The following AAK1 variants were observed in gnomAD, a reference collection of about 807,000 sequenced individuals.
AAK1 encodes the protein AP2 associated kinase 1, also known as AP2-associated protein kinase 1.
Under a neutral mutation model 116.0 loss-of-function variants are expected in AAK1, and 37 were observed. The observed-to-expected ratio is 0.32, with a 90% CI of 0.25 to 0.42. The LOEUF is 0.42. Ranked by LOEUF, AAK1 falls within the 10% of genes least tolerant of loss-of-function variation. The probability of loss-of-function intolerance (pLI) is 1.00; values close to 1 mark genes in which losing one functional copy is unlikely to be tolerated. For missense variants in AAK1, 919 were observed against 1,170.6 expected, an observed-to-expected ratio of 0.79 and a Z score of 3.14; for synonymous variants, 458 against 439.9, an observed-to-expected ratio of 1.04 and a Z score of -0.51.
rs970582339 is a variant in AAK1 at position 69,469,488 on chromosome 2, C to T, written c.*6381G>A. 2.1e-5 allele frequency: 21 copies of T among 985,252 alleles called. No homozygotes were observed. In the African/African-American group the frequency reaches 3.1e-4, roughly 15 times the overall value. The allele number at this position is 985,252 out of a possible 1,614,324, so 61.0% of individuals were successfully genotyped here. On this transcript the variant is annotated 3_prime_UTR_variant, in exon 22 of 22. Transcript: ENST00000409085. ...AGGTAGCATTGTGTCAACAAGAAAA[C>T]GTGTTTGAAGCAGTCTCTTTACTAG... is the stretch of plus-strand genomic sequence containing the variant.
At chr2:69,634,751 C>T (rs1675373596) in intron 2 of AAK1, among the ~76,000 whole-genome samples, 1 of 152,238 alleles carries the variant, frequency 6.6e-6, no homozygotes, top group Non-Finnish European at 1.5e-5. Flanking sequence ...TGAGTCTTTT[C>T]TCTGTAACCT....
chr2:69,614,694 C>T (rs558587895), intron 2 of AAK1, among the ~76,000 whole-genome samples: 27 of 152,258 alleles, frequency 1.8e-4, no homozygotes, highest in African/African-American at 6.3e-4. Flanking sequence ...GAAAAAGAGT[C>T]TTTGTAGGTG....
At chr2:69,531,601 C>T (rs1670259791) in intron 6 of AAK1, 1 of 988,124 alleles carries the variant, frequency 1.0e-6, no homozygotes, top group African/African-American at 1.7e-5. Flanking sequence ...ACCTACTCAC[C>T]ATTATTTCCA....
chr2:69,548,482 CT>C, intron 3 of AAK1, among the ~76,000 whole-genome samples: 1 of 150,830 alleles, frequency 6.6e-6, no homozygotes, highest in African/African-American at 2.4e-5. Flanking sequence ...TTTTTCCTTT[CT>C]TTTTCTTTCT....
intron 16 of AAK1, among the ~76,000 whole-genome samples, chr2:69,503,403 T>C (rs1425210797): frequency 6.6e-6 from 1 of 152,276 alleles, no homozygotes; most frequent in African/African-American, 2.4e-5. Context: ...AAAGCTCACA[T>C]TCATTGCTGA....
chr2:69,631,644 A>G (rs190336550), intron 2 of AAK1, among the ~76,000 whole-genome samples: 13 of 152,310 alleles, frequency 8.5e-5, no homozygotes, highest in Admixed American at 4.6e-4. Flanking sequence ...GTCTCCTCCA[A>G]AAGGAATCCT....
intron 5 of AAK1, among the ~76,000 whole-genome samples, chr2:69,538,797 G>A (rs1012973507): frequency 3.3e-5 from 5 of 152,132 alleles, no homozygotes; most frequent in South Asian, 4.1e-4. Context: ...CATGAGAATC[G>A]TTTGAACCCA....
chr2:69,480,049 C>G (rs912258447), intron 19 of AAK1, among the ~76,000 whole-genome samples: 80 of 152,182 alleles, frequency 5.3e-4, no homozygotes, highest in African/African-American at 1.9e-3. Context: ...GCCAAGGCAC[C>G]CAGCCTGAGT....
chr2:69,572,207 A>C (rs895859686), intron 2 of AAK1, among the ~76,000 whole-genome samples: 1 of 152,150 alleles, frequency 6.6e-6, no homozygotes, highest in African/African-American at 2.4e-5. Context: ...AAAGGGACAG[A>C]CTCAGAATTA....
At chr2:69,511,800 T>G (rs1645904358) in intron 13 of AAK1, among the ~76,000 whole-genome samples, 1 of 152,266 alleles carries the variant, frequency 6.6e-6, no homozygotes, top group East Asian at 1.9e-4. Context: ...TGGAGAACAT[T>G]TTTCTCTTCT....
chr2:69,589,064 T>C (rs754135378), intron 2 of AAK1, among the ~76,000 whole-genome samples: 4 of 152,206 alleles, frequency 2.6e-5, no homozygotes, highest in Non-Finnish European at 4.4e-5. Context: ...ACAAAGGCCA[T>C]TACTAGTGTC....
In AAK1 at chr2:69,475,603, C is replaced by G; in HGVS notation, c.*266G>C. On this transcript the variant is annotated 3_prime_UTR_variant, in exon 22 of 22. Coordinates refer to ENST00000409085, the MANE Select transcript of AAK1 (RefSeq NM_014911.5). ...GAGGTGAAGCTCATGGCATCTAGTGCTTGATTTAAGATAATGCTATTGAAG... is the reference window on the plus strand; with the variant it reads ...GAGGTGAAGCTCATGGCATCTAGTGGTTGATTTAAGATAATGCTATTGAAG... 8.3e-7 allele frequency: 1 copy of G among 1,199,830 alleles called. No individual in the cohort carries two copies. Among genetic ancestry groups the G allele is most frequent in the Non-Finnish European group, 1.0e-6 (1 of 961,954 alleles). 74.3% of individuals were successfully genotyped at this position (1,199,830 alleles called of 1,614,324 possible).
rs1674703934 is a variant in AAK1, at chr2:69,472,216, T to C, written c.*3653A>G. 1 of 948,330 alleles carries C rather than the reference T, an allele frequency of 1.1e-6. No individual in the cohort carries two copies. The highest frequency in any genetic ancestry group is 6.2e-5 in the Admixed American group (1 of 16,214). The allele number at this position is 948,330 out of a possible 1,614,324, so 58.7% of individuals were successfully genotyped here. ...TTTTTGTGGATTATCCTTTTTACTG[T>C]CTTCAACAGTAACCACTCTTCATCT... On this transcript the variant is annotated 3_prime_UTR_variant, in exon 22 of 22. Transcript: ENST00000409085.
intron 2 of AAK1, among the ~76,000 whole-genome samples, chr2:69,572,001 T>C (rs1672110700): frequency 1.3e-5 from 2 of 152,196 alleles, no homozygotes; most frequent in Non-Finnish European, 2.9e-5. Flanking sequence ...GAGTCTTTCA[T>C]ATCAGATGAA....
At chr2:69,639,781 C>T (rs1304942036) in intron 2 of AAK1, among the ~76,000 whole-genome samples, 1 of 152,254 alleles carries the variant, frequency 6.6e-6, no homozygotes, top group African/African-American at 2.4e-5. Flanking sequence ...GGGTACAACT[C>T]CTGTGGTCCT....
intron 19 of AAK1, among the ~76,000 whole-genome samples, chr2:69,480,545 A>G (rs6712795): frequency 0.11 from 17,195 of 152,096 alleles, 2,241 homozygotes; most frequent in African/African-American, 0.3. Context: ...ACAGCTCGGC[A>G]GAGTTCTTTA....
At chr2:69,494,684 CAT>C (rs1675670827) in intron 17 of AAK1, among the ~76,000 whole-genome samples, 1 of 151,522 alleles carries the variant, frequency 6.6e-6, no homozygotes, top group Non-Finnish European at 1.5e-5. Context: ...TACTGCCAGG[CAT>C]ACCTGAAAAG....
chr2:69,621,921 G>A (rs1274560206), intron 2 of AAK1, among the ~76,000 whole-genome samples: 3 of 152,232 alleles, frequency 2.0e-5, no homozygotes, highest in Non-Finnish European at 4.4e-5. Flanking sequence ...CAGCGTGCTG[G>A]CAGCCCTCCT....
rs1313033130 is a variant in AAK1, at chr2:69,469,392, C to A, written c.*6477G>T. On this transcript the variant is annotated 3_prime_UTR_variant, in exon 22 of 22. Coordinates refer to ENST00000409085, the MANE Select transcript of AAK1 (RefSeq NM_014911.5). ...TTAAATCTTGTTGGCAGATAAAAGT[C>A]TTTTTTTGAGTATGTGAATGTGTTC... is the stretch of plus-strand genomic sequence containing the variant. The A allele has an allele frequency of 6.1e-6, 6 of 985,256 alleles. No homozygotes were observed. The highest frequency in any genetic ancestry group is 7.2e-6 in the Non-Finnish European group (6 of 829,930). The allele number at this position is 985,256 out of a possible 1,614,324, so 61.0% of individuals were successfully genotyped here. A position where few individuals can be genotyped will look rare whatever the true frequency, so the allele number is the denominator to read the frequency against.
Sources: gnomAD v4.1 joint callset for allele counts (sites outside exome capture counted in the v4.1 genomes callset) on GRCh38, gnomAD v4.1.1 for gene constraint, MANE v1.5 for transcripts, NCBI Gene and HGNC (gene_info 2026-07-23, HGNC 2026-07-21) for gene names.